The following FOCAD variants were observed in gnomAD, a reference collection of about 807,000 sequenced individuals.
The protein encoded by FOCAD is KIAA1797.
In FOCAD, 198 loss-of-function variants were observed where a neutral mutation model predicts 225.6. The observed-to-expected ratio is 0.88, with a 90% CI of 0.78 to 0.99. The LOEUF (loss-of-function observed/expected upper bound fraction) is 0.99, where lower values mean the gene tolerates loss of function less well. Ranked by LOEUF, FOCAD falls within the 50% of genes least tolerant of loss-of-function variation. The pLI is 0.00. For missense variants in FOCAD, 2,713 were observed against 2,123.6 expected, an observed-to-expected ratio of 1.28 and a Z score of -5.46; for synonymous variants, 897 against 755.0, an observed-to-expected ratio of 1.19 and a Z score of -3.08.
intron 15 of FOCAD, among the ~76,000 whole-genome samples, chr9:20,855,826 A>G (rs1828127666): frequency 1.4e-5 from 2 of 143,674 alleles, no homozygotes; most frequent in South Asian, 2.2e-4. Context: ...ACTTCCACAT[A>G]TGAGAACATG....
intron 23 of FOCAD, among the ~76,000 whole-genome samples, chr9:20,914,590 C>T (rs571693774): frequency 5.9e-5 from 9 of 152,150 alleles, no homozygotes; most frequent in Admixed American, 3.3e-4. Context: ...GAGGAAACAG[C>T]GAATTCATCA....
At chr9:20,926,162 T>A (rs553156641) in intron 25 of FOCAD, 139 bp from the exon 26 acceptor site, 7 of 600,238 alleles carry the variant, frequency 1.2e-5, no homozygotes, top group African/African-American at 9.3e-5. Flanking sequence ...CGTGCATGCT[T>A]ATAGTCCAAG....
chr9:20,878,770 T>C (rs989160557), intron 19 of FOCAD, among the ~76,000 whole-genome samples: 1 of 152,146 alleles, frequency 6.6e-6, no homozygotes, highest in Non-Finnish European at 1.5e-5. Context: ...GGGATTCTGG[T>C]AGTGTGGCTC....
chr9:20,682,372 G>A (rs1002079192), upstream of FOCAD, among the ~76,000 whole-genome samples: 2 of 152,188 alleles, frequency 1.3e-5, no homozygotes, highest in Non-Finnish European at 2.9e-5. Context: ...TACTCATTGA[G>A]CACCAGGGTG....
chr9:20,710,896 T>C (rs982459315), intron 1 of FOCAD, among the ~76,000 whole-genome samples: 10 of 152,260 alleles, frequency 6.6e-5, no homozygotes, highest in Non-Finnish European at 1.2e-4. Flanking sequence ...AATAGTTTTA[T>C]GTACTGGGAG....
intron 11 of FOCAD, among the ~76,000 whole-genome samples, chr9:20,798,332 G>T (rs201487168): frequency 6.6e-6 from 1 of 151,958 alleles, no homozygotes; most frequent in African/African-American, 2.4e-5. Flanking sequence ...TCTCTGCCAG[G>T]CTTTGGTATC....
chr9:20,665,846 C>T (rs1394998209), intron 2 of FOCAD, among the ~76,000 whole-genome samples: 2 of 151,898 alleles, frequency 1.3e-5, no homozygotes, highest in South Asian at 2.1e-4. Flanking sequence ...GCCTGGCCAA[C>T]ATGGTGAAAC....
intron 15 of FOCAD, among the ~76,000 whole-genome samples, chr9:20,835,043 A>G (rs776958988): frequency 6.6e-6 from 1 of 152,064 alleles, no homozygotes; most frequent in African/African-American, 2.4e-5. Context: ...TGTGGCTCAC[A>G]TTGTATTTCC....
chr9:20,904,822 G>A (rs529152770), intron 21 of FOCAD, among the ~76,000 whole-genome samples: 1 of 151,726 alleles, frequency 6.6e-6, no homozygotes, highest in Non-Finnish European at 1.5e-5. Flanking sequence ...TTTTTCAAAG[G>A]CTTCTCACAA....
chr9:20,655,945 T>C (rs1041635553), upstream of FOCAD, among the ~76,000 whole-genome samples: 3 of 152,142 alleles, frequency 2.0e-5, no homozygotes, highest in African/African-American at 4.8e-5. Flanking sequence ...CACACTGCTT[T>C]GAATGTGTCC....
intron 18 of FOCAD, among the ~76,000 whole-genome samples, chr9:20,871,470 A>C (rs1355818326): frequency 6.6e-6 from 1 of 151,758 alleles, no homozygotes. Context: ...AGTTCTCTTG[A>C]TTCTCTATAG....
At chr9:20,817,958 A>G (rs543234911) in intron 11 of FOCAD, among the ~76,000 whole-genome samples, 47 of 152,290 alleles carry the variant, frequency 3.1e-4, no homozygotes, top group African/African-American at 1.1e-3. Flanking sequence ...TAAGAAATTG[A>G]TAGAATGTTT....
At chr9:20,708,586 A>G (rs1396425610) in intron 1 of FOCAD, among the ~76,000 whole-genome samples, 1 of 151,998 alleles carries the variant, frequency 6.6e-6, no homozygotes, top group African/African-American at 2.4e-5. Context: ...CCCGAGGAAC[A>G]GAGGGAGTCC....
intron 39 of FOCAD, 99 bp from the exon 40 acceptor site, chr9:20,986,189 A>G: frequency 8.8e-7 from 1 of 1,134,816 alleles, no homozygotes; most frequent in Non-Finnish European, 1.2e-6. Context: ...GAATAGTAAC[A>G]TCCAACTCAT....
rs76641585 is a variant in FOCAD, at chr9:20,831,075, T to A, written c.1920+7960T>A. On this transcript the variant is annotated intron_variant, in intron 15 of 43. Transcript: ENST00000338382. ...TAAAGCAATTATTCTGTGTTTTTTT[T>A]ATGGACAGCCTTTTCTTTTAAAAGA... 2.2e-3 allele frequency among the ~76,000 whole-genome samples: 340 copies of A among 152,264 alleles called. 10 individuals are homozygous for A. The East Asian group carries it at 0.043, about 19-fold the overall frequency.
chr9:20,678,998 T>C lies in FOCAD; in HGVS notation c.-77-15522T>C, dbSNP rs192649903. Reference sequence around the variant, plus strand: ...CTCAGCAAAGACTTGAATGATCTGATGGAATGAGTCACAAAGATATCTGGG... The same window carrying C: ...CTCAGCAAAGACTTGAATGATCTGACGGAATGAGTCACAAAGATATCTGGG... On this transcript the variant is annotated intron_variant, in intron 2 of 45. Transcript: ENST00000380249. 2.0e-5 allele frequency among the ~76,000 whole-genome samples: 3 copies of C among 152,210 alleles called. No homozygotes were observed. The East Asian group carries it at 5.8e-4, about 29-fold the overall frequency.
chr9:20,710,412 A>G lies in FOCAD; in HGVS notation c.-32-4910A>G, dbSNP rs149973368. On this transcript the variant is annotated intron_variant, in intron 1 of 43. Transcript: ENST00000338382. ...GGATTTTGAGACCAGCCTCGCCAACATGGTGAAACCCCTCCTCTACTAAAA... is the reference window on the plus strand; with the variant it reads ...GGATTTTGAGACCAGCCTCGCCAACGTGGTGAAACCCCTCCTCTACTAAAA... 5.7e-3 allele frequency among the ~76,000 whole-genome samples: 862 copies of G among 151,968 alleles called. 11 individuals carry two copies. The highest frequency in any genetic ancestry group is 0.019 in the African/African-American group (795 of 41,450).
intron 35 of FOCAD, among the ~76,000 whole-genome samples, chr9:20,967,931 C>A (rs1265360449): frequency 6.6e-6 from 1 of 151,872 alleles, no homozygotes; most frequent in African/African-American, 2.4e-5. Flanking sequence ...TCTGGTTTTC[C>A]TTTTTTATGA....
chr9:20,840,239 T>G (rs889048897), intron 15 of FOCAD, among the ~76,000 whole-genome samples: 1 of 152,074 alleles, frequency 6.6e-6, no homozygotes, highest in East Asian at 1.9e-4. Context: ...AATTTATAGA[T>G]TTCTTTAAAT....
Sources: allele counts gnomAD v4.1 joint callset (sites outside exome capture counted in the v4.1 genomes callset), GRCh38; gene constraint gnomAD v4.1.1; transcripts MANE v1.5; gene names NCBI Gene and HGNC (gene_info 2026-07-23, HGNC 2026-07-21).